TENM4: variants seen among roughly 807,000 people sequenced by gnomAD.
The protein encoded by TENM4 is teneurin transmembrane protein 4.
In TENM4, 82 loss-of-function variants were observed where a neutral mutation model predicts 243.3. The observed-to-expected ratio is 0.34, with a 90% CI of 0.28 to 0.40. The LOEUF (loss-of-function observed/expected upper bound fraction) is 0.40, where lower values mean the gene tolerates loss of function less well. Among genes scored for constraint, TENM4 ranks in the 10% least tolerant of loss-of-function variants. The pLI, the probability that TENM4 is intolerant of heterozygous loss-of-function variation, is 1.00. For synonymous variants in TENM4, 1,412 were observed against 1,456.3 expected, an observed-to-expected ratio of 0.97 and a Z score of 0.69; for missense variants, 3,138 against 3,673.3, an observed-to-expected ratio of 0.85 and a Z score of 3.77.
At chr11:79,310,220 A>G (rs1394757832) in intron 1 of TENM4, among the ~76,000 whole-genome samples, 2 of 152,222 alleles carry the variant, frequency 1.3e-5, no homozygotes, top group Non-Finnish European at 2.9e-5. Context: ...GCCTGATGTC[A>G]GTTCCCTCTC....
intron 16 of TENM4, among the ~76,000 whole-genome samples, chr11:78,784,049 CGA>C (rs1856887776): frequency 6.6e-6 from 1 of 152,090 alleles, no homozygotes; most frequent in African/African-American, 2.4e-5. Context: ...CTAGAGGTCT[CGA>C]AATCAGTGTC....
intron 1 of TENM4, among the ~76,000 whole-genome samples, chr11:79,382,998 C>T (rs771388244): frequency 2.0e-5 from 3 of 152,154 alleles, no homozygotes; most frequent in Non-Finnish European, 4.4e-5. Context: ...TCCCTCTGCC[C>T]CTACAGACCC....
At chr11:78,731,279 G>A in intron 21 of TENM4, among the ~76,000 whole-genome samples, 1 of 152,158 alleles carries the variant, frequency 6.6e-6, no homozygotes, top group East Asian at 1.9e-4. Context: ...TCATAAGAAA[G>A]GTCAGCCTGG....
chr11:79,127,505 A>AAAT (rs1251733691), intron 4 of TENM4, among the ~76,000 whole-genome samples: 1 of 28,888 alleles, frequency 3.5e-5, no homozygotes, highest in East Asian at 2.8e-4. Context: ...TTGACTTGGC[A>AAAT]AATACTTTTT....
intron 6 of TENM4, among the ~76,000 whole-genome samples, chr11:79,036,156 A>T (rs1859372657): frequency 6.6e-6 from 1 of 152,186 alleles, no homozygotes; most frequent in African/African-American, 2.4e-5. Flanking sequence ...TGGGGTCTGG[A>T]GTGGGGCTGA....
chr11:78,843,481 T>G (rs1309625221), intron 12 of TENM4, among the ~76,000 whole-genome samples: 2 of 151,992 alleles, frequency 1.3e-5, no homozygotes, highest in Non-Finnish European at 2.9e-5. Context: ...AGCAAGACCC[T>G]GTTGCTAAAA....
At chr11:79,074,123 C>A (rs180989506) in intron 4 of TENM4, among the ~76,000 whole-genome samples, 8 of 152,202 alleles carry the variant, frequency 5.3e-5, no homozygotes, top group Non-Finnish European at 1.2e-4. Flanking sequence ...GGAGAACATT[C>A]GCCTGGTTCT....
chr11:79,112,396 C>T (rs1252866466), intron 4 of TENM4, among the ~76,000 whole-genome samples: 1 of 152,094 alleles, frequency 6.6e-6, no homozygotes, highest in Non-Finnish European at 1.5e-5. Flanking sequence ...CTGCTCAGGG[C>T]TGCTGCATAT....
chr11:79,414,725 T>C (rs1279002681), intron 1 of TENM4, among the ~76,000 whole-genome samples: 4 of 152,170 alleles, frequency 2.6e-5, no homozygotes, highest in Admixed American at 6.5e-5. Flanking sequence ...AGCTGTCTTA[T>C]ATAAATGGAT....
rs140125351 is a variant in TENM4, at chr11:79,158,987, C to T, written c.-162-10181G>A. Among the ~76,000 whole-genome samples the T allele has an allele frequency of 8.5e-5, 13 of 152,280 alleles. No homozygotes were observed. In the East Asian group the frequency reaches 2.1e-3, roughly 25 times the overall value. The stretch of plus-strand genomic sequence containing the variant: ...TGCTCACTGAAAAGCCCCTGTTCTT[C>T]GCAGCCAATATCCACTTTCCTTATA... On this transcript the variant is annotated intron_variant, in intron 3 of 33. Transcript: ENST00000278550.
intron 19 of TENM4, among the ~76,000 whole-genome samples, chr11:78,749,635 T>TA (rs1195592214): frequency 1.3e-5 from 2 of 152,266 alleles, no homozygotes; most frequent in Admixed American, 1.3e-4. Context: ...AGTGGGCTGA[T>TA]AAAAAATCAC....
At chr11:79,174,494 A>G (rs1163079357) in intron 3 of TENM4, among the ~76,000 whole-genome samples, 3 of 152,130 alleles carry the variant, frequency 2.0e-5, no homozygotes, top group African/African-American at 7.2e-5. Flanking sequence ...TGCCTAGTGC[A>G]TGTCTTTCAT....
At chr11:78,899,604 A>G (rs974865547) in intron 7 of TENM4, among the ~76,000 whole-genome samples, 13 of 149,418 alleles carry the variant, frequency 8.7e-5, no homozygotes, top group Non-Finnish European at 1.6e-4. Flanking sequence ...TTGATACCCA[A>G]TGTTAGAGGT....
chr11:78,964,737 A>AGTATAT (rs1182435466), intron 6 of TENM4, among the ~76,000 whole-genome samples: 1 of 152,210 alleles, frequency 6.6e-6, no homozygotes, highest in Admixed American at 6.5e-5. Flanking sequence ...CCTACATGAA[A>AGTATAT]GTATATAGTA....
Position 78,669,624 on chromosome 11 carries a change from T to A in TENM4, c.6721A>T (p.Ile2241Phe). Residue 2241 changes from isoleucine to phenylalanine, a missense_variant, in exon 32 of 34, where the codon ATC becomes TTC. Ile to Phe is a conservative substitution (Grantham distance 21). Coordinates refer to ENST00000278550, the MANE Select transcript of TENM4 (RefSeq NM_001098816.3). The surrounding 1 kb of genome is among the most constrained non-coding windows in gnomAD (Gnocchi z 6.4). ...CCCAGCCGAGTGATGCGGTCGCGGA[T>A]GTCATACCGTAGTGGTGTGAGCCGT... is the stretch of plus-strand genomic sequence containing the variant. ...SARLTPLRYDIRDRITRLGDV... is the reference protein window; with the variant it reads ...SARLTPLRYDFRDRITRLGDV... 1 of 1,614,008 alleles carries A rather than the reference T, an allele frequency of 6.2e-7. No individual in the cohort carries two copies. The highest frequency in any genetic ancestry group is 1.7e-5 in the Admixed American group (1 of 60,018).
At chr11:78,887,876 A>G (rs1469544216) in intron 9 of TENM4, among the ~76,000 whole-genome samples, 1 of 152,270 alleles carries the variant, frequency 6.6e-6, no homozygotes. Context: ...CTTCAACGCA[A>G]AACAAATGGA....
intron 9 of TENM4, among the ~76,000 whole-genome samples, chr11:78,879,353 C>T (rs182149166): frequency 1.2e-4 from 16 of 138,964 alleles, no homozygotes; most frequent in African/African-American, 2.2e-4. Flanking sequence ...CCGGCCGCCC[C>T]GTCTGAGAGG....
rs148586994 is a variant in TENM4, at chr11:78,870,971, T to C, written c.1085-7839A>G. On this transcript the variant is annotated intron_variant, in intron 9 of 33. Transcript: ENST00000278550. ...GCACCTTTCCCCGGGTGGGCTCTACTAAGACCTCTTCCGTATATAACTAAT... is the reference window on the plus strand; with the variant it reads ...GCACCTTTCCCCGGGTGGGCTCTACCAAGACCTCTTCCGTATATAACTAAT... Among the ~76,000 whole-genome samples, 1,222 of 152,330 alleles carry C rather than the reference T, an allele frequency of 8.0e-3. 14 individuals are homozygous for C. The highest frequency in any genetic ancestry group is 0.028 in the African/African-American group (1,147 of 41,564).
chr11:79,397,356 G>C (rs1192398851), intron 1 of TENM4, among the ~76,000 whole-genome samples: 2 of 152,122 alleles, frequency 1.3e-5, no homozygotes, highest in African/African-American at 4.8e-5. Context: ...TGAGTAACTG[G>C]AACAAAGCTG....
Sources: gnomAD v4.1 joint callset for allele counts (sites outside exome capture counted in the v4.1 genomes callset) on GRCh38, gnomAD v4.1.1 for gene constraint, Gnocchi (gnomAD v3.1) non-coding constraint, MANE v1.5 for transcripts, NCBI Gene and HGNC (gene_info 2026-07-23, HGNC 2026-07-21) for gene names.